Variants in IL1RAPL2 observed in about 807,000 individuals in gnomAD.
IL1RAPL2 encodes the protein interleukin 1 receptor accessory protein like 2, also known as X-linked interleukin-1 receptor accessory protein-like 2.
Under a neutral mutation model 44.1 loss-of-function variants are expected in IL1RAPL2, and 3 were observed. That is an observed-to-expected ratio of 0.07 (90% CI 0.03 to 0.18). The LOEUF (loss-of-function observed/expected upper bound fraction) is 0.18. Ranked by LOEUF, IL1RAPL2 falls within the 10% of genes least tolerant of loss-of-function variation. IL1RAPL2 has a pLI of 1.00. For missense variants in IL1RAPL2, 391 were observed against 496.4 expected, an observed-to-expected ratio of 0.79 and a Z score of 2.02; for synonymous variants, 181 against 178.8, an observed-to-expected ratio of 1.01 and a Z score of -0.10.
chrX:105,358,418 G>A (rs1462829273), intron 5 of IL1RAPL2, among the ~76,000 whole-genome samples: 3 of 105,600 alleles, frequency 2.8e-5, no homozygotes, highest in Non-Finnish European at 3.9e-5. Flanking sequence ...GCTCACGCCT[G>A]TAATCCCAGC....
In IL1RAPL2 at chrX:104,867,169, G is replaced by A. The variant is rs776157046; in HGVS notation, c.82+208174G>A. Among the ~76,000 whole-genome samples, 29 of 104,192 alleles carry A rather than the reference G, an allele frequency of 2.8e-4. No individual in the cohort carries two copies. In the East Asian group the frequency reaches 6.0e-3, roughly 22 times the overall value. 90.5% of individuals were successfully genotyped at this position (104,192 alleles called of 115,157 possible). ...GGAGAATGGCATGAACCCGGGAGGC[G>A]GAGCTTGCAGTGAGCCGAGATAGCA... On this transcript the variant is annotated intron_variant, in intron 2 of 10. Coordinates refer to ENST00000372582, the MANE Select transcript of IL1RAPL2 (RefSeq NM_017416.2).
At chrX:104,781,069 AT>A (rs3081258) in intron 2 of IL1RAPL2, among the ~76,000 whole-genome samples, 3,244 of 104,404 alleles carry the variant, frequency 0.031, 109 homozygotes, top group African/African-American at 0.1. Flanking sequence ...ACTTAGTTTT[AT>A]TTTTTTTTTT....
chrX:104,739,512 C>T (rs1209117091), intron 2 of IL1RAPL2, among the ~76,000 whole-genome samples: 1 of 111,410 alleles, frequency 9.0e-6, no homozygotes, highest in Non-Finnish European at 1.9e-5. Context: ...CCAAGTGATT[C>T]TAAAGTTTGA....
At chrX:105,418,200 C>T (rs998930402) in intron 5 of IL1RAPL2, among the ~76,000 whole-genome samples, 22 of 108,325 alleles carry the variant, frequency 2.0e-4, no homozygotes, top group African/African-American at 7.8e-4. Flanking sequence ...ATAGTTAGTG[C>T]TCAACACATA....
intron 2 of IL1RAPL2, among the ~76,000 whole-genome samples, chrX:104,952,045 A>G (rs1310167481): frequency 8.9e-6 from 1 of 112,057 alleles, no homozygotes; most frequent in Non-Finnish European, 1.9e-5. Flanking sequence ...AAAAATATAT[A>G]ATATCAAATT....
Position 104,599,650 on chromosome X carries a change from GCACACACACACACACA to G in IL1RAPL2, c.-20+32629_-20+32644del, listed in dbSNP as rs35769134. ...GAAAAGGAAACTTTTGATGGATTTA[GCACACACACACACACA>G]CACACACACACACACACACACACAC... On this transcript the variant is annotated intron_variant, in intron 1 of 10. Transcript: ENST00000372582. 7.7e-4 allele frequency among the ~76,000 whole-genome samples: 66 copies of G among 86,165 alleles called. No individual in the cohort carries two copies. The South Asian group carries it at 8.8e-3, about 12-fold the overall frequency. 74.8% of individuals were successfully genotyped at this position (86,165 alleles called of 115,157 possible).
intron 7 of IL1RAPL2, among the ~76,000 whole-genome samples, chrX:105,730,733 A>G (rs2038399330): frequency 9.0e-6 from 1 of 111,637 alleles, no homozygotes; most frequent in Non-Finnish European, 1.9e-5. Flanking sequence ...GTAGGAATAC[A>G]TGGAAATTAA....
intron 2 of IL1RAPL2, among the ~76,000 whole-genome samples, chrX:104,776,840 A>G (rs1393929387): frequency 8.9e-6 from 1 of 111,884 alleles, no homozygotes; most frequent in African/African-American, 3.2e-5. Flanking sequence ...TTAATGAACC[A>G]ATATTTATGC....
intron 5 of IL1RAPL2, among the ~76,000 whole-genome samples, chrX:105,458,483 C>T (rs929784862): frequency 9.0e-6 from 1 of 111,573 alleles, no homozygotes; most frequent in Admixed American, 9.6e-5. Flanking sequence ...CAGAGTTATG[C>T]AACCATCACC....
intron 6 of IL1RAPL2, among the ~76,000 whole-genome samples, chrX:105,608,676 A>G (rs1485707935): frequency 8.9e-6 from 1 of 112,295 alleles, no homozygotes; most frequent in Non-Finnish European, 1.9e-5. Context: ...TGAGAGAAAT[A>G]GGATACATAA....
chrX:105,022,093 T>C (rs926719652), intron 2 of IL1RAPL2, among the ~76,000 whole-genome samples: 1 of 111,092 alleles, frequency 9.0e-6, no homozygotes, highest in African/African-American at 3.3e-5. Context: ...TGAGAAAAAT[T>C]TTAAAAATAT....
chrX:105,421,157 C>T (rs147713924), intron 5 of IL1RAPL2, among the ~76,000 whole-genome samples: 3,225 of 111,224 alleles, frequency 0.029, 124 homozygotes, highest in African/African-American at 0.1. Context: ...AACATTGGTT[C>T]GGTTCAGAAA....
intron 8 of IL1RAPL2, 23 bp from the exon 9 acceptor site, chrX:105,748,937 C>A: frequency 2.5e-6 from 3 of 1,198,687 alleles, no homozygotes; most frequent in Non-Finnish European, 3.4e-6. Context: ...ATTACCTTTT[C>A]CTGTTTATTC....
At chrX:105,598,918 A>T (rs955119188) in intron 6 of IL1RAPL2, among the ~76,000 whole-genome samples, 1 of 112,651 alleles carries the variant, frequency 8.9e-6, no homozygotes, top group African/African-American at 3.2e-5. Flanking sequence ...CTTTGTTAAG[A>T]ACCACTGAGA....
intron 3 of IL1RAPL2, among the ~76,000 whole-genome samples, chrX:105,222,948 G>T (rs973288232): frequency 9.0e-6 from 1 of 111,267 alleles, no homozygotes; most frequent in Non-Finnish European, 1.9e-5. Context: ...TCAGTAGATG[G>T]AGACCAGCCT....
At chrX:104,713,714 T>C (rs1381816088) in intron 2 of IL1RAPL2, among the ~76,000 whole-genome samples, 3 of 111,065 alleles carry the variant, frequency 2.7e-5, no homozygotes, top group East Asian at 2.9e-4. Context: ...TTTAACCCAA[T>C]AGAAGTTTAC....
chrX:105,003,757 T>C (rs893272067), intron 2 of IL1RAPL2, among the ~76,000 whole-genome samples: 2 of 110,365 alleles, frequency 1.8e-5, no homozygotes, highest in African/African-American at 6.6e-5. Flanking sequence ...ACTCATGTTA[T>C]TTTTCTCTTC....
At chrX:105,668,716 G>A (rs1244865233) in intron 6 of IL1RAPL2, among the ~76,000 whole-genome samples, 1 of 112,018 alleles carries the variant, frequency 8.9e-6, no homozygotes, top group Non-Finnish European at 1.9e-5. Context: ...TGAGAGCCCT[G>A]ATACCAAGTG....
intron 2 of IL1RAPL2, among the ~76,000 whole-genome samples, chrX:104,733,642 ATAATAG>A (rs1402292699): frequency 9.3e-6 from 1 of 107,195 alleles, no homozygotes; most frequent in African/African-American, 3.4e-5. Context: ...AATAATAATA[ATAATAG>A]TAATAATAAT....
Sources: allele counts gnomAD v4.1 joint callset (sites outside exome capture counted in the v4.1 genomes callset), GRCh38; gene constraint gnomAD v4.1.1; transcripts MANE v1.5; gene names NCBI Gene and HGNC (gene_info 2026-07-23, HGNC 2026-07-21).